Variants in TXNDC16 observed in about 807,000 individuals in gnomAD.
TXNDC16 encodes thioredoxin domain containing 16, also known as thioredoxin domain-containing protein 16.
TXNDC16 carries 74 observed loss-of-function variants against 85.6 expected under a neutral mutation model. The ratio of observed to expected loss-of-function variants is 0.86; its 90% CI spans 0.72 to 1.05. The LOEUF is 1.05. Ranked by LOEUF, TXNDC16 falls within the 50% of genes least tolerant of loss-of-function variation. The pLI is 0.00. For missense variants in TXNDC16, 959 were observed against 947.0 expected, an observed-to-expected ratio of 1.01 and a Z score of -0.17; for synonymous variants, 335 against 326.5, an observed-to-expected ratio of 1.03 and a Z score of -0.28.
rs933567401 is a variant in TXNDC16, at chr14:52,489,410, T to G, written c.985-924A>C. Among the ~76,000 whole-genome samples, 4 of 152,318 alleles carry G rather than the reference T, an allele frequency of 2.6e-5. No individual in the cohort carries two copies. In the South Asian group the frequency reaches 8.3e-4, roughly 32 times the overall value. On this transcript the variant is annotated intron_variant, in intron 11 of 20. Transcript: ENST00000281741. ...ACTAGATTATTTTAGCAAAGTGTTCTTGACTGTAACTCTATATTGGAATAA... is the reference window on the plus strand; with the variant it reads ...ACTAGATTATTTTAGCAAAGTGTTCGTGACTGTAACTCTATATTGGAATAA...
chr14:52,502,749 C>T (rs927879558), intron 9 of TXNDC16, among the ~76,000 whole-genome samples: 1 of 152,224 alleles, frequency 6.6e-6, no homozygotes, highest in Non-Finnish European at 1.5e-5. Context: ...GTACAGCGCA[C>T]CGAGCGTGAC....
At chr14:52,502,029 A>G (rs773231894) in intron 9 of TXNDC16, among the ~76,000 whole-genome samples, 6 of 152,286 alleles carry the variant, frequency 3.9e-5, no homozygotes, top group Non-Finnish European at 7.4e-5. Context: ...CTGGTCTATG[A>G]AAGTCCACGA....
At chr14:52,522,316 T>C (rs1251791857) in intron 6 of TXNDC16, among the ~76,000 whole-genome samples, 1 of 152,230 alleles carries the variant, frequency 6.6e-6, no homozygotes, top group East Asian at 1.9e-4. Context: ...ACTAAGCACT[T>C]TATAAATAGT....
intron 6 of TXNDC16, among the ~76,000 whole-genome samples, chr14:52,529,732 A>ATAATGCCTATTATATATATTATATG (rs1566581058): frequency 4.2e-4 from 50 of 117,904 alleles, no homozygotes; most frequent in Admixed American, 3.7e-3. Context: ...TATATTATAT[A>ATAATGCCTATTATATATATTATATG]TAATGCCTAT....
At chr14:52,445,550 T>C (rs1221235885) in intron 18 of TXNDC16, among the ~76,000 whole-genome samples, 1 of 152,204 alleles carries the variant, frequency 6.6e-6, no homozygotes, top group Non-Finnish European at 1.5e-5. Context: ...ACAACTAAAA[T>C]CAGGTAACAC....
intron 3 of TXNDC16, among the ~76,000 whole-genome samples, chr14:52,542,735 C>T (rs2037859040): frequency 2.0e-5 from 3 of 152,018 alleles, no homozygotes; most frequent in Non-Finnish European, 2.9e-5. Flanking sequence ...GGCATTCTTC[C>T]TCCAAGTTTA....
chr14:52,488,535 C>T, intron 11 of TXNDC16, 49 bp from the exon 12 acceptor site: 2 of 1,484,774 alleles, frequency 1.3e-6, no homozygotes, highest in Non-Finnish European at 1.8e-6. Context: ...AGTATTTTGA[C>T]ATAAAAATGT....
At chr14:52,483,934 C>A (rs1413472635) in intron 12 of TXNDC16, among the ~76,000 whole-genome samples, 1 of 152,026 alleles carries the variant, frequency 6.6e-6, no homozygotes, top group African/African-American at 2.4e-5. Context: ...AAATAAAACT[C>A]AGGTAGGCAG....
At chr14:52,508,621 G>A (rs766362095) in intron 9 of TXNDC16, among the ~76,000 whole-genome samples, 1 of 152,174 alleles carries the variant, frequency 6.6e-6, no homozygotes. Context: ...GCACACGTAT[G>A]TTTACTGCGG....
chr14:52,525,199 T>C (rs2037299242), intron 6 of TXNDC16, among the ~76,000 whole-genome samples: 1 of 152,100 alleles, frequency 6.6e-6, no homozygotes, highest in African/African-American at 2.4e-5. Context: ...CTCACATTTG[T>C]TTTTTCTTCT....
chr14:52,535,821 G>A (rs928522699), intron 6 of TXNDC16, among the ~76,000 whole-genome samples: 6 of 152,088 alleles, frequency 3.9e-5, no homozygotes, highest in Non-Finnish European at 8.8e-5. Flanking sequence ...AATCCAGAAA[G>A]AAACCCAGCT....
At chr14:52,445,648 G>A (rs1034225623) in intron 18 of TXNDC16, among the ~76,000 whole-genome samples, 2 of 152,164 alleles carry the variant, frequency 1.3e-5, no homozygotes, top group African/African-American at 4.8e-5. Flanking sequence ...CATGTAAGAT[G>A]GTGGTCCCAT....
chr14:52,529,772 T>A (rs1312825963), intron 6 of TXNDC16, among the ~76,000 whole-genome samples: 1 of 118,118 alleles, frequency 8.5e-6, no homozygotes, highest in Non-Finnish European at 1.6e-5. Context: ...CTATTATATA[T>A]ATACCTAGTA....
At chr14:52,438,948 A>G (rs532412173) in intron 20 of TXNDC16, among the ~76,000 whole-genome samples, 1 of 152,296 alleles carries the variant, frequency 6.6e-6, no homozygotes, top group African/African-American at 2.4e-5. Context: ...TACCAAAATC[A>G]TATGTTTGAA....
At chr14:52,530,429 A>AAT (rs1566582610) in intron 6 of TXNDC16, among the ~76,000 whole-genome samples, 1 of 17,994 alleles carries the variant, frequency 5.6e-5, no homozygotes, top group African/African-American at 3.0e-4. Context: ...TATTATATAT[A>AAT]ATAATATATA....
At chr14:52,549,629 A>ATTTTTTTTTT (rs748701260) in intron 1 of TXNDC16, among the ~76,000 whole-genome samples, 1 of 132,992 alleles carries the variant, frequency 7.5e-6, no homozygotes, top group Non-Finnish European at 1.6e-5. Flanking sequence ...AACAGTTCTG[A>ATTTTTTTTTT]TTTTTTTTTT....
At chr14:52,501,750 A>G (rs1364000759) in intron 9 of TXNDC16, among the ~76,000 whole-genome samples, 1 of 152,172 alleles carries the variant, frequency 6.6e-6, no homozygotes, top group Non-Finnish European at 1.5e-5. Context: ...GTTAGAACAA[A>G]TTTTGGTCTA....
At chr14:52,495,805 G>A (rs1451666177) in intron 9 of TXNDC16, among the ~76,000 whole-genome samples, 1 of 152,134 alleles carries the variant, frequency 6.6e-6, no homozygotes, top group African/African-American at 2.4e-5. Flanking sequence ...CCAGGTGCAG[G>A]TAAGTCCTTT....
At chr14:52,478,371 G>T (rs2036065790) in intron 14 of TXNDC16, among the ~76,000 whole-genome samples, 1 of 151,966 alleles carries the variant, frequency 6.6e-6, no homozygotes, top group Admixed American at 6.6e-5. Context: ...AAATACAAAA[G>T]ATAAATGAAA....
Sources: gnomAD v4.1 joint callset for allele counts (sites outside exome capture counted in the v4.1 genomes callset) on GRCh38, gnomAD v4.1.1 for gene constraint, MANE v1.5 for transcripts, NCBI Gene and HGNC (gene_info 2026-07-23, HGNC 2026-07-21) for gene names.